The following KCNH8 variants were observed in gnomAD, a reference collection of about 807,000 sequenced individuals.
The protein encoded by KCNH8 is potassium voltage-gated channel subfamily H member 8.
A neutral mutation model predicts 103.6 loss-of-function variants in KCNH8; 70 were observed. That is an observed-to-expected ratio of 0.68 (90% CI 0.56 to 0.82). KCNH8 has a LOEUF of 0.82. KCNH8 is among the 40% of genes least tolerant of loss of function. KCNH8 has a pLI of 0.00. For missense variants in KCNH8, 1,217 were observed against 1,329.9 expected (o/e 0.92, Z 1.32); for synonymous variants, 498 against 489.4 (o/e 1.02, Z -0.23).
At chr3:19,418,416 G>T (rs945514855) in intron 7 of KCNH8, among the ~76,000 whole-genome samples, 4 of 152,172 alleles carry the variant, frequency 2.6e-5, no homozygotes, top group Non-Finnish European at 5.9e-5. Flanking sequence ...CCTAACTCCA[G>T]CACCAATATA....
intron 1 of KCNH8, among the ~76,000 whole-genome samples, chr3:19,183,164 G>C (rs555265674): frequency 6.6e-6 from 1 of 152,234 alleles, no homozygotes; most frequent in East Asian, 1.9e-4. Context: ...ATTTAATGTT[G>C]TACAGGAAGT....
chr3:19,246,274 GTTTTTTT>G (rs920423108), intron 1 of KCNH8, among the ~76,000 whole-genome samples: 2 of 86,350 alleles, frequency 2.3e-5, no homozygotes, highest in Non-Finnish European at 4.4e-5. Context: ...TGTTGTTGTT[GTTTTTTT>G]TTTTTTTTTT....
intron 1 of KCNH8, among the ~76,000 whole-genome samples, chr3:19,231,894 G>T (rs1340497257): frequency 1.3e-5 from 2 of 152,146 alleles, no homozygotes; most frequent in Non-Finnish European, 2.9e-5. Flanking sequence ...CAGTGCCTTT[G>T]CCAGGTAAAT....
intron 3 of KCNH8, among the ~76,000 whole-genome samples, chr3:19,291,563 T>A (rs1019992415): frequency 2.6e-5 from 4 of 152,128 alleles, no homozygotes; most frequent in African/African-American, 9.7e-5. Context: ...TTTGAGTGAG[T>A]TTCTTAATCC....
intron 3 of KCNH8, among the ~76,000 whole-genome samples, chr3:19,338,392 C>CCTACCACCACCACCA (rs1243323429): frequency 6.6e-6 from 1 of 151,954 alleles, no homozygotes; most frequent in Non-Finnish European, 1.5e-5. Context: ...CAGTTTGTTC[C>CCTACCACCACCACCA]CTACCACCAC....
At chr3:19,294,803 A>C (rs995264134) in intron 3 of KCNH8, among the ~76,000 whole-genome samples, 1 of 152,170 alleles carries the variant, frequency 6.6e-6, no homozygotes, top group Non-Finnish European at 1.5e-5. Context: ...TACTAGGCAT[A>C]ATAGTCATGG....
chr3:19,511,281 G>A (rs888970503), intron 12 of KCNH8, among the ~76,000 whole-genome samples: 1 of 152,002 alleles, frequency 6.6e-6, no homozygotes, highest in African/African-American at 2.4e-5. Flanking sequence ...AATGTCGGCT[G>A]CCCTGATTGT....
chr3:19,489,589 T>C (rs1159447281), intron 11 of KCNH8, among the ~76,000 whole-genome samples: 2 of 152,094 alleles, frequency 1.3e-5, no homozygotes, highest in Admixed American at 1.3e-4. Context: ...AGTTCTAAGT[T>C]TTCTTGGTGT....
At chr3:19,463,712 T>A (rs1367697077) in intron 11 of KCNH8, among the ~76,000 whole-genome samples, 1 of 152,126 alleles carries the variant, frequency 6.6e-6, no homozygotes, top group Non-Finnish European at 1.5e-5. Context: ...TAAATATATA[T>A]ACAGCCTATG....
At chr3:19,396,444 C>T (rs754141192) in intron 7 of KCNH8, among the ~76,000 whole-genome samples, 4 of 151,990 alleles carry the variant, frequency 2.6e-5, no homozygotes, top group Non-Finnish European at 5.9e-5. Flanking sequence ...TTAAAAATAC[C>T]TCTTCACATC....
chr3:19,412,345 C>T (rs1269887016), intron 7 of KCNH8, among the ~76,000 whole-genome samples: 1 of 151,954 alleles, frequency 6.6e-6, no homozygotes, highest in African/African-American at 2.4e-5. Context: ...TAGCCATATG[C>T]AGAAGAATGA....
At chr3:19,507,148 G>C (rs569556510) in intron 11 of KCNH8, among the ~76,000 whole-genome samples, 2 of 152,320 alleles carry the variant, frequency 1.3e-5, no homozygotes, top group South Asian at 4.1e-4. Flanking sequence ...GGAGGTTCAA[G>C]AGCTTACAGG....
rs543221542 is a variant in KCNH8 at position 19,269,321 on chromosome 3, A to T, written c.311-11877A>T. On this transcript the variant is annotated intron_variant, in intron 2 of 15. Coordinates refer to ENST00000328405, the MANE Select transcript of KCNH8 (RefSeq NM_144633.3). ...AAATTTCTCAATTTTGAGTCCCCCAAATTATCTTTTGAAACATCATGTTCC... is the reference window on the plus strand; with the variant it reads ...AAATTTCTCAATTTTGAGTCCCCCATATTATCTTTTGAAACATCATGTTCC... 3.3e-5 allele frequency among the ~76,000 whole-genome samples: 5 copies of T among 152,144 alleles called. No individual in the cohort carries two copies. The East Asian group carries it at 9.7e-4, about 30-fold the overall frequency.
At chr3:19,444,156 A>G (rs562275384) in intron 8 of KCNH8, among the ~76,000 whole-genome samples, 135 of 152,238 alleles carry the variant, frequency 8.9e-4, no homozygotes, top group Admixed American at 1.9e-3. Context: ...AGTTACAGTA[A>G]TTAAGAGTGT....
chr3:19,368,363 T>G (rs2066041931), intron 5 of KCNH8, among the ~76,000 whole-genome samples: 1 of 151,978 alleles, frequency 6.6e-6, no homozygotes, highest in South Asian at 2.1e-4. Context: ...TATTTTGAAA[T>G]TGATGTAGGG....
chr3:19,415,461 T>G (rs2066849390), intron 7 of KCNH8, among the ~76,000 whole-genome samples: 1 of 151,560 alleles, frequency 6.6e-6, no homozygotes, highest in African/African-American at 2.4e-5. Context: ...TCTTACATAT[T>G]TATTTATGTT....
At chr3:19,157,152 A>G (rs2063189318) in intron 1 of KCNH8, among the ~76,000 whole-genome samples, 1 of 152,108 alleles carries the variant, frequency 6.6e-6, no homozygotes, top group Admixed American at 6.6e-5. Context: ...AAGGATCCAC[A>G]TAAGAAGTTC....
chr3:19,164,717 CATT>C (rs1013905747), intron 1 of KCNH8, among the ~76,000 whole-genome samples: 8 of 152,322 alleles, frequency 5.3e-5, no homozygotes, highest in African/African-American at 1.9e-4. Context: ...TTTAAGAAGA[CATT>C]ATCTGGGAAG....
intron 3 of KCNH8, among the ~76,000 whole-genome samples, chr3:19,286,737 G>A (rs2064837744): frequency 6.6e-6 from 1 of 152,070 alleles, no homozygotes; most frequent in African/African-American, 2.4e-5. Context: ...TTTTTGTGTT[G>A]TATTGTTTAG....
Sources: allele counts gnomAD v4.1 joint callset (sites outside exome capture counted in the v4.1 genomes callset), GRCh38; gene constraint gnomAD v4.1.1; transcripts MANE v1.5; gene names NCBI Gene and HGNC (gene_info 2026-07-23, HGNC 2026-07-21).